The following CEP97 variants were observed in gnomAD, a reference collection of about 807,000 sequenced individuals.
The protein encoded by CEP97 is centrosomal protein of 97 kDa.
In CEP97, 43 loss-of-function variants were observed where a neutral mutation model predicts 73.1. That is an observed-to-expected ratio of 0.59 (90% CI 0.46 to 0.76). The LOEUF is 0.76. CEP97 is among the 30% of genes least tolerant of loss of function. The pLI is 0.00. For missense variants in CEP97, 939 were observed against 1,014.0 expected (o/e 0.93, Z 1.00); for synonymous variants, 337 against 370.0 (o/e 0.91, Z 1.02).
At chr3:101,734,312 G>A (rs1348970752) in intron 6 of CEP97, among the ~76,000 whole-genome samples, 1 of 152,206 alleles carries the variant, frequency 6.6e-6, no homozygotes, top group African/African-American at 2.4e-5. Context: ...AGGAGGGAGT[G>A]GAATTGGGAT....
rs189259229 is a variant in CEP97, at chr3:101,734,701, C to T, written c.728+2047C>T. Among the ~76,000 whole-genome samples, 37 of 152,188 alleles carry T rather than the reference C, an allele frequency of 2.4e-4. No homozygotes were observed. In the East Asian group the frequency reaches 3.9e-3, roughly 16 times the overall value. ...CTGTGAATGTTGCTCTGAGAATAAACCTTATTTTGTTTCAAACTGTGACTA... is the reference window on the plus strand; with the variant it reads ...CTGTGAATGTTGCTCTGAGAATAAATCTTATTTTGTTTCAAACTGTGACTA... On this transcript the variant is annotated intron_variant, in intron 6 of 10. Coordinates refer to ENST00000341893, the MANE Select transcript of CEP97 (RefSeq NM_024548.4).
At chr3:101,758,755 T>A in intron 9 of CEP97, 1 of 235,542 alleles carries the variant, frequency 4.2e-6, no homozygotes, top group Non-Finnish European at 8.3e-6. Flanking sequence ...AATGAGAAGA[T>A]GATGAAGTCT....
At chr3:101,762,134 C>T (rs758173848) in intron 9 of CEP97, among the ~76,000 whole-genome samples, 6 of 152,044 alleles carry the variant, frequency 3.9e-5, no homozygotes, top group Non-Finnish European at 8.8e-5. Flanking sequence ...GTTTGTTTGG[C>T]TGAGAAATTG....
chr3:101,747,796 C>G (rs1938670374), intron 6 of CEP97, among the ~76,000 whole-genome samples: 1 of 150,302 alleles, frequency 6.7e-6, no homozygotes, highest in African/African-American at 2.4e-5. Context: ...CCTTCACTTT[C>G]AAGAGTGGAA....
chr3:101,730,237 T>TTTTGG (rs1938060982), intron 4 of CEP97, among the ~76,000 whole-genome samples: 1 of 50,090 alleles, frequency 2.0e-5, no homozygotes, highest in African/African-American at 1.1e-4. Context: ...TGTTTTTTTG[T>TTTTGG]TTTGTTTTGT....
In CEP97 at chr3:101,724,663, A is replaced by G; in HGVS notation, c.-14A>G. 6.2e-7 allele frequency: 1 copy of G among 1,614,164 alleles called. No individual in the cohort carries two copies. The highest frequency in any genetic ancestry group is 8.5e-7 in the Non-Finnish European group (1 of 1,179,984). On this transcript the variant is annotated 5_prime_UTR_variant, in exon 1 of 11. Coordinates refer to ENST00000341893, the MANE Select transcript of CEP97 (RefSeq NM_024548.4). ...GGGAGGACGGTTGCCTGGTATTATT[A>G]GCAAGCAGCAAATATGGCGGTGGCG... is the stretch of plus-strand genomic sequence containing the variant.
At chr3:101,732,467 C>G (rs1938143853) in intron 5 of CEP97, 21 bp from the exon 6 acceptor site, 1 of 1,571,512 alleles carries the variant, frequency 6.4e-7, no homozygotes. Context: ...TTTTGTTCAA[C>G]AAAGATATCT....
chr3:101,724,653 T>G lies in CEP97; in HGVS notation c.-24T>G. ...ACAGAGCCGCGGGAGGACGGTTGCC[T>G]GGTATTATTAGCAAGCAGCAAATAT... On this transcript the variant is annotated 5_prime_UTR_variant, in exon 1 of 11. Transcript: ENST00000341893. The G allele has an allele frequency of 1.2e-6, 2 of 1,614,038 alleles. No individual in the cohort carries two copies. Among genetic ancestry groups the G allele is most frequent in the Non-Finnish European group, 1.7e-6 (2 of 1,179,904 alleles).
intron 4 of CEP97, 102 bp from the exon 5 acceptor site, chr3:101,731,738 G>T: frequency 3.0e-6 from 2 of 667,874 alleles, no homozygotes; most frequent in South Asian, 3.7e-5. Context: ...ATATAATAAA[G>T]TAGATTCCTT....
intron 10 of CEP97, 52 bp downstream of exon 10, chr3:101,762,612 T>C: frequency 7.3e-7 from 1 of 1,364,930 alleles, no homozygotes; most frequent in Non-Finnish European, 1.0e-6. Flanking sequence ...ACAGATTCTA[T>C]ATTCATTGAG....
rs1481994585 is a variant in CEP97, at chr3:101,766,863, T to C, written c.*1312T>C. ...TTCTGTTGTAGTCATTAGGTGCCCT[T>C]CTCTGAAGTTATGTAAAATAAAAGC... On this transcript the variant is annotated 3_prime_UTR_variant, in exon 11 of 11. Coordinates refer to ENST00000341893, the MANE Select transcript of CEP97 (RefSeq NM_024548.4). 6.6e-6 allele frequency: 1 copy of C among 152,200 alleles called. No homozygotes were observed. The highest frequency in any genetic ancestry group is 1.5e-5 in the Non-Finnish European group (1 of 68,038). 9.4% of individuals were successfully genotyped at this position (152,200 alleles called of 1,614,324 possible).
chr3:101,726,461 T>A, intron 1 of CEP97, 133 bp from the exon 2 acceptor site: 1 of 494,026 alleles, frequency 2.0e-6, no homozygotes, highest in Non-Finnish European at 3.3e-6. Flanking sequence ...AATTTTACAA[T>A]GTTGATATTT....
rs1939358465 is a variant in CEP97 at position 101,767,927 on chromosome 3, T to A, written c.*2376T>A. On this transcript the variant is annotated 3_prime_UTR_variant, in exon 11 of 11. Transcript: ENST00000341893. ...TTTACATTATACTTTAAAAGTAATTTATATAATTAAAATATTTGGTTTTAA... is the reference window on the plus strand; with the variant it reads ...TTTACATTATACTTTAAAAGTAATTAATATAATTAAAATATTTGGTTTTAA... 1 of 152,222 alleles carries A rather than the reference T, an allele frequency of 6.6e-6. No individual in the cohort carries two copies. The highest frequency in any genetic ancestry group is 2.4e-5 in the African/African-American group (1 of 41,460). 9.4% of individuals were successfully genotyped at this position (152,222 alleles called of 1,614,324 possible).
intron 6 of CEP97, among the ~76,000 whole-genome samples, chr3:101,749,874 C>A (rs1481883838): frequency 2.1e-5 from 3 of 142,586 alleles, no homozygotes; most frequent in Non-Finnish European, 4.6e-5. Context: ...TGTTTGAGTT[C>A]ATTGTAGATT....
chr3:101,727,501 T>C lies in CEP97; in HGVS notation c.305T>C (p.Val102Ala), dbSNP rs1185749743. ...TGTGTGGAAGGGCTAAAGGAACTAGTACATCTGGAATGGCTGAATTTGGCA... is the reference window on the plus strand; with the variant it reads ...TGTGTGGAAGGGCTAAAGGAACTAGCACATCTGGAATGGCTGAATTTGGCA... ...IGCVEGLKEL[V>A]HLEWLNLAGN... The change falls in exon 3 of 11, where the codon GTA becomes GCA. Residue 102 changes from valine to alanine, a missense_variant. Physicochemically the swap from Val to Ala is moderately conservative, Grantham distance 64. Coordinates refer to ENST00000341893, the MANE Select transcript of CEP97 (RefSeq NM_024548.4). 1.9e-6 allele frequency: 3 copies of C among 1,613,040 alleles called. No homozygotes were observed. The highest frequency in any genetic ancestry group is 1.7e-6 in the Non-Finnish European group (2 of 1,179,482).
intron 8 of CEP97, 86 bp downstream of exon 8, chr3:101,757,282 C>T: frequency 6.8e-7 from 1 of 1,463,736 alleles, no homozygotes; most frequent in Non-Finnish European, 9.2e-7. Flanking sequence ...TGCATATTTT[C>T]ATAATTTTTT....
intron 9 of CEP97, among the ~76,000 whole-genome samples, chr3:101,759,724 C>T (rs1051785850): frequency 2.0e-5 from 3 of 152,122 alleles, no homozygotes; most frequent in Admixed American, 6.5e-5. Flanking sequence ...CATCCCCATC[C>T]TGCTGAGTTA....
At position 101,768,056 on chromosome 3, in the gene CEP97, A is replaced by G. The variant is rs1037640921; in HGVS notation, c.*2505A>G. On this transcript the variant is annotated 3_prime_UTR_variant, in exon 11 of 11. Coordinates refer to ENST00000341893, the MANE Select transcript of CEP97 (RefSeq NM_024548.4). Reference sequence around the variant, plus strand: ...TTTGTGTTTTTTTCCTAACAAGGAAAGGTTTAGTTCAGCTGTGCTATTTTA... The same window carrying G: ...TTTGTGTTTTTTTCCTAACAAGGAAGGGTTTAGTTCAGCTGTGCTATTTTA... 1 of 152,206 alleles carries G rather than the reference A, an allele frequency of 6.6e-6. No homozygotes were observed. The highest frequency in any genetic ancestry group is 1.5e-5 in the Non-Finnish European group (1 of 68,030). 9.4% of individuals were successfully genotyped at this position (152,206 alleles called of 1,614,324 possible).
chr3:101,756,961 G>T, intron 7 of CEP97, 102 bp from the exon 8 acceptor site: 1 of 1,092,088 alleles, frequency 9.2e-7, no homozygotes, highest in South Asian at 1.7e-5. Context: ...CCTACTTTGA[G>T]AACTTGTAAA....
Sources: allele counts gnomAD v4.1 joint callset (sites outside exome capture counted in the v4.1 genomes callset), GRCh38; gene constraint gnomAD v4.1.1; transcripts MANE v1.5; gene names NCBI Gene and HGNC (gene_info 2026-07-23, HGNC 2026-07-21).